SPRR2G: variants seen among roughly 807,000 people sequenced by gnomAD.
The protein encoded by SPRR2G is small proline-rich protein 2G.
Under a neutral mutation model 0.7 loss-of-function variants are expected in SPRR2G, and 1 was observed. The ratio of observed to expected loss-of-function variants is 1.49; its 90% confidence interval spans 0.53 to 7.06. The LOEUF is 7.06. Ranked by LOEUF, SPRR2G falls within the 30% of genes most tolerant of loss-of-function variation. The pLI is 0.14. For missense variants in SPRR2G, 96 were observed against 88.5 expected, an observed-to-expected ratio of 1.09 and a Z score of -0.34; for synonymous variants, 38 against 33.9, an observed-to-expected ratio of 1.12 and a Z score of -0.42.
the SPRR2G span, among the ~76,000 whole-genome samples, chr1:153,194,988 A>G: frequency 2.6e-5 from 4 of 152,258 alleles, no homozygotes; most frequent in East Asian, 7.7e-4. Flanking sequence ...TAAAGCATAA[A>G]AGTTTATCTC....
the SPRR2G span, among the ~76,000 whole-genome samples, chr1:153,160,945 C>T: frequency 5.3e-5 from 8 of 151,722 alleles, no homozygotes; most frequent in East Asian, 1.2e-3. Context: ...TTTGTAGGGA[C>T]ATGGATGAAG....
chr1:153,153,445 C>T (rs1656514280), upstream of SPRR2G, among the ~76,000 whole-genome samples: 1 of 152,074 alleles, frequency 6.6e-6, no homozygotes, highest in Non-Finnish European at 1.5e-5. Context: ...AATAATAATA[C>T]TTCTCTGACG....
chr1:153,151,089 G>C (rs1656458222), upstream of SPRR2G, among the ~76,000 whole-genome samples: 1 of 152,244 alleles, frequency 6.6e-6, no homozygotes, highest in South Asian at 2.1e-4. Flanking sequence ...ATTATCTCAG[G>C]TTCCTCATGC....
At chr1:153,154,007 G>A (rs538877080), upstream of SPRR2G, among the ~76,000 whole-genome samples, 11 of 152,108 alleles carry the variant, frequency 7.2e-5, no homozygotes, top group East Asian at 1.9e-4. Flanking sequence ...TACCTAATTC[G>A]TTGAGTGTTT....
chr1:153,162,757 A>T, the SPRR2G span, among the ~76,000 whole-genome samples: 12 of 152,044 alleles, frequency 7.9e-5, no homozygotes, highest in Non-Finnish European at 5.9e-5. Flanking sequence ...TCCTCTCCCA[A>T]CTACATCTTT....
chr1:153,197,132 A>ATGTGTGTGTGTGTGTGTGTGTGTG, the SPRR2G span, among the ~76,000 whole-genome samples: 1 of 140,402 alleles, frequency 7.1e-6, no homozygotes, highest in African/African-American at 2.7e-5. Flanking sequence ...CAGGCAGAGA[A>ATGTGTGTGTGTGTGTGTGTGTGTG]TGTGTGTGTG....
the SPRR2G span, among the ~76,000 whole-genome samples, chr1:153,173,743 A>G: frequency 2.6e-5 from 4 of 152,210 alleles, no homozygotes; most frequent in Non-Finnish European, 5.9e-5. Context: ...AGCAGAGGCT[A>G]GAAGTCCTGA....
At chr1:153,195,675 A>G in the SPRR2G span, among the ~76,000 whole-genome samples, 1 of 152,162 alleles carries the variant, frequency 6.6e-6, no homozygotes, top group Non-Finnish European at 1.5e-5. Context: ...TTCAGCTTCA[A>G]TCAAGACAAT....
At chr1:153,195,558 G>A in the SPRR2G span, among the ~76,000 whole-genome samples, 1 of 152,032 alleles carries the variant, frequency 6.6e-6, no homozygotes, top group African/African-American at 2.4e-5. Flanking sequence ...TGTACCCCTG[G>A]GTTCCACCAT....
At chr1:153,160,021 T>C in the SPRR2G span, among the ~76,000 whole-genome samples, 1 of 152,204 alleles carries the variant, frequency 6.6e-6, no homozygotes, top group Non-Finnish European at 1.5e-5. Flanking sequence ...ATTTATCTTA[T>C]ATAACTGAAA....
chr1:153,171,485 C>T, the SPRR2G span, among the ~76,000 whole-genome samples: 365 of 152,282 alleles, frequency 2.4e-3, 2 homozygotes, highest in Middle Eastern at 0.01. Context: ...TGTGATCACA[C>T]CATATACCCT....
At chr1:153,178,079 T>A in the SPRR2G span, among the ~76,000 whole-genome samples, 2 of 152,170 alleles carry the variant, frequency 1.3e-5, no homozygotes, top group Non-Finnish European at 2.9e-5. Flanking sequence ...TACTAACATT[T>A]TATCTTTTAT....
the SPRR2G span, among the ~76,000 whole-genome samples, chr1:153,160,452 A>AT: frequency 6.6e-6 from 1 of 152,184 alleles, no homozygotes. Context: ...ATTATTTTTA[A>AT]TTTTTTGAGG....
intron 1 of SPRR2G, among the ~76,000 whole-genome samples, chr1:153,150,388 A>G (rs1656440962): frequency 6.6e-6 from 1 of 152,218 alleles, no homozygotes; most frequent in African/African-American, 2.4e-5. Context: ...TTGTCTGAAT[A>G]CAAACACTAT....
At chr1:153,160,089 C>G in the SPRR2G span, among the ~76,000 whole-genome samples, 21 of 152,318 alleles carry the variant, frequency 1.4e-4, no homozygotes, top group African/African-American at 4.8e-4. Context: ...CCCTGGCAAC[C>G]ACCATTCTTT....
the SPRR2G span, among the ~76,000 whole-genome samples, chr1:153,164,019 A>G: frequency 6.6e-6 from 1 of 152,238 alleles, no homozygotes; most frequent in South Asian, 2.1e-4. Context: ...ATATATAGTA[A>G]TATCAATAAT....
the SPRR2G span, among the ~76,000 whole-genome samples, chr1:153,169,326 G>A: frequency 3.3e-5 from 5 of 152,164 alleles, no homozygotes; most frequent in South Asian, 2.1e-4. Flanking sequence ...AGCATTTTGA[G>A]AGGCTGAGGT....
chr1:153,186,899 G>A, the SPRR2G span, among the ~76,000 whole-genome samples: 1 of 152,154 alleles, frequency 6.6e-6, no homozygotes, highest in Non-Finnish European at 1.5e-5. Flanking sequence ...GCCTGGGGGT[G>A]ACAAAATCAC....
At chr1:153,150,383 T>G (rs1656440884) in intron 1 of SPRR2G, among the ~76,000 whole-genome samples, 1 of 152,204 alleles carries the variant, frequency 6.6e-6, no homozygotes, top group Non-Finnish European at 1.5e-5. Flanking sequence ...AAATGTTGTC[T>G]GAATACAAAC....
Sources: allele counts gnomAD v4.1 joint callset (sites outside exome capture counted in the v4.1 genomes callset), GRCh38; gene constraint gnomAD v4.1.1; transcripts MANE v1.5; gene names NCBI Gene and HGNC (gene_info 2026-07-23, HGNC 2026-07-21).